PABPC4L: variants seen among roughly 807,000 people sequenced by gnomAD.
PABPC4L encodes the protein polyadenylate-binding protein 4-like.
For synonymous variants in PABPC4L, 169 were observed against 164.1 expected (o/e 1.03, Z -0.23); for missense variants, 452 against 451.4 (o/e 1.00, Z -0.01).
the PABPC4L span, among the ~76,000 whole-genome samples, chr4:134,057,981 T>C: frequency 6.6e-6 from 1 of 152,036 alleles, no homozygotes; most frequent in Non-Finnish European, 1.5e-5. Flanking sequence ...ATTTCATTCT[T>C]TATAATCACA....
At chr4:134,178,552 T>G in the PABPC4L span, among the ~76,000 whole-genome samples, 1 of 151,886 alleles carries the variant, frequency 6.6e-6, no homozygotes, top group Admixed American at 6.6e-5. Flanking sequence ...CTGAAATGGC[T>G]AAAATGTCAG....
chr4:134,032,352 C>T, the PABPC4L span, among the ~76,000 whole-genome samples: 1 of 151,762 alleles, frequency 6.6e-6, no homozygotes, highest in African/African-American at 2.4e-5. Context: ...ATTCTACTAA[C>T]AAAAGCACAG....
At position 134,197,016 on chromosome 4, in the gene PABPC4L, A is replaced by T. The variant is rs1428022022; in HGVS notation, c.*2891T>A. 6.6e-6 allele frequency: 1 copy of T among 151,772 alleles called. No individual in the cohort carries two copies. The highest frequency in any genetic ancestry group is 2.4e-5 in the African/African-American group (1 of 41,426). The allele number at this position is 151,772 out of a possible 1,614,324, so 9.4% of individuals were successfully genotyped here. A position where few individuals can be genotyped will look rare whatever the true frequency, so the allele number is the denominator to read the frequency against. On this transcript the variant is annotated 3_prime_UTR_variant, in exon 2 of 2. Transcript: ENST00000421491. Reference sequence around the variant, plus strand: ...TTATCAAATATTGTTCAAATATTTGAACAGTTTTACAGATTAGCTTTCCTA... The same window carrying T: ...TTATCAAATATTGTTCAAATATTTGTACAGTTTTACAGATTAGCTTTCCTA...
the PABPC4L span, among the ~76,000 whole-genome samples, chr4:133,993,660 GT>G: frequency 6.6e-6 from 1 of 152,158 alleles, no homozygotes; most frequent in Non-Finnish European, 1.5e-5. Flanking sequence ...AGGATAATAT[GT>G]TTAGCTAGTC....
the PABPC4L span, among the ~76,000 whole-genome samples, chr4:134,153,810 G>GTTTTTTT: frequency 3.9e-5 from 3 of 77,582 alleles, no homozygotes; most frequent in Admixed American, 1.7e-4. Context: ...CCTATGCCTA[G>GTTTTTTT]TTTTTTTTTT....
chr4:134,024,430 G>A, the PABPC4L span, among the ~76,000 whole-genome samples: 51 of 152,128 alleles, frequency 3.4e-4, no homozygotes, highest in Non-Finnish European at 5.7e-4. Flanking sequence ...TTTTTGGTGC[G>A]GCTACTCTTC....
the PABPC4L span, among the ~76,000 whole-genome samples, chr4:133,977,515 T>G: frequency 1.3e-5 from 2 of 152,130 alleles, no homozygotes; most frequent in South Asian, 4.1e-4. Context: ...AGTATGGCCA[T>G]TTTTTTGATA....
At chr4:134,040,103 G>A in the PABPC4L span, among the ~76,000 whole-genome samples, 1 of 150,778 alleles carries the variant, frequency 6.6e-6, no homozygotes, top group Non-Finnish European at 1.5e-5. Flanking sequence ...CATGCTCATG[G>A]ATAGGAAGAA....
the PABPC4L span, among the ~76,000 whole-genome samples, chr4:133,993,751 C>A: frequency 6.6e-6 from 1 of 152,114 alleles, no homozygotes; most frequent in African/African-American, 2.4e-5. Context: ...GTGGGTCAAG[C>A]ACTGATGTCA....
At chr4:133,968,497 G>C in the PABPC4L span, among the ~76,000 whole-genome samples, 1 of 152,078 alleles carries the variant, frequency 6.6e-6, no homozygotes, top group Non-Finnish European at 1.5e-5. Flanking sequence ...CTGAGCAAAA[G>C]TTCTTAAACT....
chr4:134,054,347 T>C, the PABPC4L span, among the ~76,000 whole-genome samples: 1 of 148,648 alleles, frequency 6.7e-6, no homozygotes, highest in South Asian at 2.1e-4. Flanking sequence ...TTTTTTTATT[T>C]TAAGTATAAA....
chr4:134,055,137 G>A, the PABPC4L span, among the ~76,000 whole-genome samples: 3 of 151,996 alleles, frequency 2.0e-5, no homozygotes, highest in Non-Finnish European at 4.4e-5. Flanking sequence ...GGATTGAATG[G>A]TCTTCCCCAT....
At chr4:134,099,913 T>C in the PABPC4L span, among the ~76,000 whole-genome samples, 2 of 151,758 alleles carry the variant, frequency 1.3e-5, no homozygotes, top group African/African-American at 4.8e-5. Context: ...CAGGCATCAT[T>C]CTGGAAATGG....
the PABPC4L span, among the ~76,000 whole-genome samples, chr4:134,035,094 A>T: frequency 2.0e-4 from 30 of 152,068 alleles, no homozygotes; most frequent in Admixed American, 1.5e-3. Context: ...ATCAACGTGG[A>T]GACAAAGTCT....
the PABPC4L span, among the ~76,000 whole-genome samples, chr4:134,135,202 C>T: frequency 1.3e-5 from 2 of 152,018 alleles, no homozygotes; most frequent in Admixed American, 6.6e-5. Context: ...AGCTGCTCTG[C>T]TACCGTTTAT....
At chr4:133,988,996 G>A in the PABPC4L span, among the ~76,000 whole-genome samples, 1 of 152,174 alleles carries the variant, frequency 6.6e-6, no homozygotes, top group Non-Finnish European at 1.5e-5. Context: ...AGTGGTATGA[G>A]TTGACCTTGG....
chr4:134,074,134 C>A, the PABPC4L span, among the ~76,000 whole-genome samples: 1 of 152,144 alleles, frequency 6.6e-6, no homozygotes, highest in Non-Finnish European at 1.5e-5. Context: ...TGTCAGGATG[C>A]ACATTTTTTG....
the PABPC4L span, among the ~76,000 whole-genome samples, chr4:134,178,365 C>CAAA: frequency 6.7e-5 from 7 of 104,042 alleles, no homozygotes; most frequent in African/African-American, 2.0e-4. Flanking sequence ...AAGAAAAAAG[C>CAAA]AAAAAAAAAA....
At chr4:133,967,297 C>A in the PABPC4L span, among the ~76,000 whole-genome samples, 2 of 151,430 alleles carry the variant, frequency 1.3e-5, no homozygotes, top group African/African-American at 2.4e-5. Flanking sequence ...ATAGCAAGAC[C>A]CAGACTCAAA....
Sources: allele counts gnomAD v4.1 joint callset (sites outside exome capture counted in the v4.1 genomes callset), GRCh38; gene constraint gnomAD v4.1.1; transcripts MANE v1.5; gene names NCBI Gene and HGNC (gene_info 2026-07-23, HGNC 2026-07-21).